Variants in GRAMD4 observed in about 807,000 individuals in gnomAD.
GRAMD4 encodes GRAM domain containing 4, also known as GRAM domain-containing protein 4.
GRAMD4 carries 25 observed loss-of-function variants against 83.9 expected under a neutral mutation model. That is an observed-to-expected ratio of 0.30 (90% CI 0.22 to 0.42). The LOEUF (loss-of-function observed/expected upper bound fraction) is 0.42, where lower values mean the gene tolerates loss of function less well. GRAMD4 is among the 10% of genes least tolerant of loss of function. GRAMD4 has a pLI of 1.00. For synonymous variants in GRAMD4, 336 were observed against 320.9 expected, an observed-to-expected ratio of 1.05 and a Z score of -0.50; for missense variants, 593 against 788.7, an observed-to-expected ratio of 0.75 and a Z score of 2.97.
intron 6 of GRAMD4, 142 bp from the exon 7 acceptor site, chr22:46,663,695 TG>T: frequency 1.3e-6 from 1 of 786,188 alleles, no homozygotes; most frequent in Non-Finnish European, 2.2e-6. Flanking sequence ...CCGCCGTGCA[TG>T]GCCATTCTGT....
Position 46,589,942 on chromosome 22 carries a change from C to T in GRAMD4, c.-50+12652C>T, listed in dbSNP as rs376142139. 1.2e-4 allele frequency among the ~76,000 whole-genome samples: 18 copies of T among 152,240 alleles called. 2 individuals carry two copies. The highest frequency in any genetic ancestry group is 9.2e-4 in the Admixed American group (14 of 15,290). ...TCTCCCTACCCCTTCAGCCAGCTCCCCTCGTGGCCCTCCCTGCTGCCTGGT... is the reference window on the plus strand; with the variant it reads ...TCTCCCTACCCCTTCAGCCAGCTCCTCTCGTGGCCCTCCCTGCTGCCTGGT... On this transcript the variant is annotated intron_variant, in intron 1 of 1. Transcript: ENST00000431155.
At chr22:46,608,596 T>C (rs927223467) in intron 1 of GRAMD4, among the ~76,000 whole-genome samples, 7 of 152,096 alleles carry the variant, frequency 4.6e-5, no homozygotes, top group Non-Finnish European at 7.4e-5. Flanking sequence ...GAAGAATTGC[T>C]TGAACCCAGG....
At chr22:46,645,507 C>T (rs900626612) in intron 3 of GRAMD4, among the ~76,000 whole-genome samples, 6 of 152,172 alleles carry the variant, frequency 3.9e-5, no homozygotes, top group African/African-American at 1.4e-4. Context: ...AGCATTTACC[C>T]GTTTGGGGCC....
chr22:46,668,753 C>T lies in GRAMD4; in HGVS notation c.974+21C>T, dbSNP rs376551895. 8.7e-5 allele frequency: 88 copies of T among 1,006,230 alleles called. No homozygotes were observed. The African/African-American group carries it at 1.1e-3, about 13-fold the overall frequency. 62.3% of individuals were successfully genotyped at this position (1,006,230 alleles called of 1,614,324 possible). A position where few individuals can be genotyped will look rare whatever the true frequency, so the allele number is the denominator to read the frequency against. On this transcript the variant is annotated intron_variant, in intron 12 of 18. Transcript: ENST00000406902. ...AAGAAGTAAGTCCCGCCCCCCACCC[C>T]GGCCCTGCGGCGCCCGCCCGGCCTG...
intron 1 of GRAMD4, among the ~76,000 whole-genome samples, chr22:46,577,676 G>T (rs887022164): frequency 6.6e-6 from 1 of 152,120 alleles, no homozygotes; most frequent in East Asian, 1.9e-4. Context: ...TCGTCCTGCC[G>T]ATCCACTCCC....
intron 17 of GRAMD4, 118 bp downstream of exon 17, chr22:46,675,670 C>T (rs1569309128): frequency 1.4e-6 from 1 of 726,342 alleles, no homozygotes. Context: ...GCGCCGCGGC[C>T]ACGCTGGCCG....
At chr22:46,627,901 C>T (rs1016784660) in intron 2 of GRAMD4, among the ~76,000 whole-genome samples, 3 of 152,368 alleles carry the variant, frequency 2.0e-5, no homozygotes, top group South Asian at 2.1e-4. Flanking sequence ...ACAGAGTGCC[C>T]GGCCTGCCGG....
intron 1 of GRAMD4, among the ~76,000 whole-genome samples, chr22:46,615,222 T>C (rs1417964064): frequency 6.1e-5 from 1 of 16,262 alleles, no homozygotes; most frequent in Non-Finnish European, 1.2e-4. Flanking sequence ...TTCCCCCGTG[T>C]GTAGGTTCCC....
intron 1 of GRAMD4, among the ~76,000 whole-genome samples, chr22:46,594,661 G>A (rs2081243537): frequency 6.6e-6 from 1 of 152,058 alleles, no homozygotes; most frequent in Non-Finnish European, 1.5e-5. Flanking sequence ...TCTCAGGACA[G>A]TTGGCCCTGG....
intron 4 of GRAMD4, 57 bp from the exon 5 acceptor site, chr22:46,661,324 T>G (rs2082323586): frequency 7.1e-7 from 1 of 1,412,574 alleles, no homozygotes; most frequent in Admixed American, 1.7e-5. Context: ...GGTGCCTGAC[T>G]GGGCATGGAG....
intron 4 of GRAMD4, among the ~76,000 whole-genome samples, chr22:46,661,028 A>G (rs76370996): frequency 0.065 from 8,426 of 128,794 alleles, 449 homozygotes; most frequent in African/African-American, 0.18. Context: ...TGCCTGATAA[A>G]CACATGTGTG....
At chr22:46,663,917 C>T (rs1186734717) in intron 7 of GRAMD4, 54 bp downstream of exon 7, 1 of 1,599,632 alleles carries the variant, frequency 6.3e-7, no homozygotes, top group African/African-American at 1.3e-5. Context: ...GGGTGGGGCC[C>T]ATGGCGGTGG....
upstream of GRAMD4, among the ~76,000 whole-genome samples, chr22:46,576,581 C>A (rs1271620254): frequency 6.6e-6 from 1 of 152,202 alleles, no homozygotes; most frequent in Non-Finnish European, 1.5e-5. Context: ...AGGTACTGCG[C>A]GAGTCTAGCG....
At chr22:46,664,162 C>A in intron 8 of GRAMD4, 45 bp downstream of exon 8, 1 of 1,369,024 alleles carries the variant, frequency 7.3e-7, no homozygotes, top group Non-Finnish European at 1.0e-6. Flanking sequence ...TGGGATGTGC[C>A]TGCCAGCATT....
chr22:46,644,589 G>A (rs905220381), intron 3 of GRAMD4, among the ~76,000 whole-genome samples: 1 of 151,582 alleles, frequency 6.6e-6, no homozygotes, highest in Non-Finnish European at 1.5e-5. Flanking sequence ...TCCCTGTCCC[G>A]GGTTACATCT....
intron 2 of GRAMD4, among the ~76,000 whole-genome samples, chr22:46,629,493 C>T (rs1283655294): frequency 1.3e-5 from 2 of 152,142 alleles, no homozygotes; most frequent in Non-Finnish European, 2.9e-5. Flanking sequence ...CCCAGGCTCA[C>T]GAGGCCCCCG....
In GRAMD4 at chr22:46,658,220, A is replaced by G. The variant is rs769683360; in HGVS notation, c.317A>G (p.Asn106Ser). The G allele has an allele frequency of 3.7e-6, 6 of 1,613,508 alleles. No individual in the cohort carries two copies. Among genetic ancestry groups the G allele is most frequent in the African/African-American group, 1.3e-5 (1 of 74,892 alleles). The change falls in exon 4 of 19, where the codon AAC (asparagine) becomes AGC (serine). Residue 106 changes from asparagine to serine, a missense_variant. Coordinates refer to ENST00000406902, the MANE Select transcript of GRAMD4 (RefSeq NM_015124.5). The stretch of plus-strand genomic sequence containing the variant: ...CTCCGGAAGCTGCGAGAAGAAACCA[A>G]CGCGGAGATGCTGCGGCAGGAGCTG... ...EELRKLREETNAEMLRQELDR... is the reference protein window; with the variant it reads ...EELRKLREETSAEMLRQELDR...
chr22:46,597,579 T>C (rs1322141867), intron 1 of GRAMD4, among the ~76,000 whole-genome samples: 2 of 152,120 alleles, frequency 1.3e-5, no homozygotes, highest in African/African-American at 4.8e-5. Context: ...AAGCTCCGCC[T>C]CCTGGGTTCA....
In GRAMD4 at chr22:46,648,787, G is replaced by C. The variant is rs867944723; in HGVS notation, c.284-9400G>C. 3.1e-3 allele frequency among the ~76,000 whole-genome samples: 374 copies of C among 121,334 alleles called. 5 individuals are homozygous for C. The highest frequency in any genetic ancestry group is 0.012 in the African/African-American group (328 of 28,106). The allele number at this position is 121,334 out of a possible 152,430, so 79.6% of individuals were successfully genotyped here. A position where few individuals can be genotyped will look rare whatever the true frequency, so the allele number is the denominator to read the frequency against. ...GGATGCATGGATGGATGGATGGATG[G>C]ATGGATGGATGGATGCATGGATGGA... is the stretch of plus-strand genomic sequence containing the variant. On this transcript the variant is annotated intron_variant, in intron 3 of 18. Transcript: ENST00000406902.
Sources: gnomAD v4.1 joint callset for allele counts (sites outside exome capture counted in the v4.1 genomes callset) on GRCh38, gnomAD v4.1.1 for gene constraint, MANE v1.5 for transcripts, NCBI Gene and HGNC (gene_info 2026-07-23, HGNC 2026-07-21) for gene names.